Variants in TAMM41 observed in about 807,000 individuals in gnomAD.
TAMM41 encodes the protein TAM41 mitochondrial translocator assembly and maintenance homolog.
TAMM41 carries 36 observed loss-of-function variants against 44.1 expected under a neutral mutation model. The ratio of observed to expected loss-of-function variants is 0.82; its 90% CI spans 0.63 to 1.08. The LOEUF (loss-of-function observed/expected upper bound fraction) is 1.08. Among genes scored for constraint, TAMM41 ranks in the 50% least tolerant of loss-of-function variants. TAMM41 has a pLI of 0.00. For missense variants in TAMM41, 417 were observed against 404.3 expected, an observed-to-expected ratio of 1.03 and a Z score of -0.27; for synonymous variants, 164 against 153.1, an observed-to-expected ratio of 1.07 and a Z score of -0.53.
At chr3:11,790,123 A>G (rs886926020), downstream of TAMM41, among the ~76,000 whole-genome samples, 6 of 152,206 alleles carry the variant, frequency 3.9e-5, no homozygotes, top group Non-Finnish European at 2.9e-5. Context: ...AACAGGATGG[A>G]GACTAGAGAC....
At chr3:11,842,783 G>T (rs2079510330) in intron 2 of TAMM41, among the ~76,000 whole-genome samples, 1 of 152,272 alleles carries the variant, frequency 6.6e-6, no homozygotes, top group East Asian at 1.9e-4. Flanking sequence ...GGATCTCCAG[G>T]TGGCTCGATG....
the TAMM41 span, among the ~76,000 whole-genome samples, chr3:11,768,173 T>C: frequency 6.6e-6 from 1 of 151,730 alleles, no homozygotes; most frequent in Non-Finnish European, 1.5e-5. Flanking sequence ...GGTTTCATTC[T>C]GTAGCCTGGC....
the TAMM41 span, among the ~76,000 whole-genome samples, chr3:11,752,585 G>C: frequency 6.9e-6 from 1 of 145,336 alleles, no homozygotes; most frequent in Non-Finnish European, 1.5e-5. Context: ...CTCGACCCAG[G>C]AAGTCCAGCT....
At chr3:11,793,523 C>T (rs967065440) in intron 7 of TAMM41, among the ~76,000 whole-genome samples, 1 of 152,118 alleles carries the variant, frequency 6.6e-6, no homozygotes, top group Non-Finnish European at 1.5e-5. Flanking sequence ...ACCCACCCAC[C>T]AAAAGACAGG....
chr3:11,823,255 T>G (rs945303166), intron 4 of TAMM41, among the ~76,000 whole-genome samples: 1 of 132,720 alleles, frequency 7.5e-6, no homozygotes, highest in Non-Finnish European at 1.6e-5. Flanking sequence ...GTTGTTGTTG[T>G]TTTTTTTTTT....
At chr3:11,773,863 T>C in the TAMM41 span, among the ~76,000 whole-genome samples, 1 of 152,046 alleles carries the variant, frequency 6.6e-6, no homozygotes, top group Admixed American at 6.6e-5. Flanking sequence ...CTGAGGTGGG[T>C]GGATCACCTG....
the TAMM41 span, among the ~76,000 whole-genome samples, chr3:11,769,749 T>G: frequency 6.6e-6 from 1 of 152,114 alleles, no homozygotes; most frequent in South Asian, 2.1e-4. Context: ...CAGAATGGGG[T>G]GAGGGAAGTG....
At chr3:11,800,588 T>C (rs1575612030) in intron 7 of TAMM41, among the ~76,000 whole-genome samples, 1 of 144,762 alleles carries the variant, frequency 6.9e-6, no homozygotes, top group Non-Finnish European at 1.5e-5. Context: ...TATATAATGA[T>C]AAAGGGATCA....
chr3:11,763,127 T>C, the TAMM41 span, among the ~76,000 whole-genome samples: 5 of 152,170 alleles, frequency 3.3e-5, no homozygotes, highest in African/African-American at 1.2e-4. Context: ...CAATTGGAAA[T>C]CCTAAAGCCA....
the TAMM41 span, among the ~76,000 whole-genome samples, chr3:11,753,048 G>A: frequency 2.0e-5 from 3 of 152,142 alleles, no homozygotes; most frequent in African/African-American, 2.4e-5. Flanking sequence ...GAACTATCAG[G>A]ATGAAGCTGA....
Position 11,808,618 on chromosome 3 carries a change from G to A in TAMM41, c.875-723C>T, listed in dbSNP as rs765806474. The A allele has an allele frequency of 3.7e-4, 364 of 985,230 alleles. 1 individual carries two copies. The highest frequency in any genetic ancestry group is 4.3e-4 in the Non-Finnish European group (353 of 829,834). The allele number at this position is 985,230 out of a possible 1,614,324, so 61.0% of individuals were successfully genotyped here. On this transcript the variant is annotated intron_variant, in intron 6 of 7. Transcript: ENST00000455809. ...AACAGGAGAATGCACTCAATTGACA[G>A]AGGGACTCATTCTCAATTTCATAAA...
the TAMM41 span, among the ~76,000 whole-genome samples, chr3:11,724,063 T>C: frequency 6.6e-6 from 1 of 150,856 alleles, no homozygotes; most frequent in Non-Finnish European, 1.5e-5. Context: ...AGCAAAAGAT[T>C]TTATTTTATT....
At position 11,844,134 on chromosome 3, in the gene TAMM41, A is replaced by G. The variant is rs1448592631; in HGVS notation, c.213T>C (p.Ser71=). ...WHSKNLKKNW[S]HYSFLKVLGP... is the part of the protein sequence containing the mutation. ...CTAAAACTTTTAGGAAAGAGTAGTG[A>G]CTCCAATTTTTCTTCAGGTTCTTTG... The change falls in exon 2 of 8, where the codon AGT becomes AGC. Residue 71 remains serine (S), a synonymous_variant. Transcript: ENST00000455809. 6.2e-7 allele frequency: 1 copy of G among 1,614,110 alleles called. No homozygotes were observed. Among genetic ancestry groups the G allele is most frequent in the African/African-American group, 1.3e-5 (1 of 75,008 alleles).
At chr3:11,736,629 G>A in the TAMM41 span, among the ~76,000 whole-genome samples, 2 of 152,152 alleles carry the variant, frequency 1.3e-5, no homozygotes, top group Non-Finnish European at 2.9e-5. Context: ...TCACAGCGGG[G>A]CCTCAGCGCA....
chr3:11,790,618 G>C (rs750894332), intron 7 of TAMM41, 37 bp from the exon 8 acceptor site: 4 of 1,559,642 alleles, frequency 2.6e-6, no homozygotes, highest in Admixed American at 1.7e-5. Flanking sequence ...GAAGATGGAG[G>C]CTTGTTGAGT....
intron 3 of TAMM41, chr3:11,833,196 A>G (rs959350216): frequency 6.4e-5 from 81 of 1,264,796 alleles, no homozygotes; most frequent in Non-Finnish European, 7.9e-5. Context: ...AGCTGTTTGT[A>G]TCTTACTGGG....
chr3:11,814,874 G>C (rs1278287416), intron 5 of TAMM41, among the ~76,000 whole-genome samples: 1 of 152,152 alleles, frequency 6.6e-6, no homozygotes, highest in Admixed American at 6.5e-5. Flanking sequence ...TGAGGTGGGA[G>C]AGTCACTTGA....
the TAMM41 span, among the ~76,000 whole-genome samples, chr3:11,724,004 G>C: frequency 6.6e-6 from 1 of 151,916 alleles, no homozygotes; most frequent in East Asian, 1.9e-4. Flanking sequence ...TGGGGGATGG[G>C]GGGGGGTGAC....
chr3:11,723,808 C>T, the TAMM41 span, among the ~76,000 whole-genome samples: 1 of 152,086 alleles, frequency 6.6e-6, no homozygotes, highest in East Asian at 1.9e-4. Flanking sequence ...GTAGGCTGTA[C>T]ATAGACCACT....
Sources: gnomAD v4.1 joint callset for allele counts (sites outside exome capture counted in the v4.1 genomes callset) on GRCh38, gnomAD v4.1.1 for gene constraint, MANE v1.5 for transcripts, NCBI Gene and HGNC (gene_info 2026-07-23, HGNC 2026-07-21) for gene names.